EXT1: variants seen among roughly 807,000 people sequenced by gnomAD.
EXT1 encodes exostosin-1.
EXT1 carries 20 observed loss-of-function variants against 82.5 expected under a neutral mutation model. That is an observed-to-expected ratio of 0.24 (90% confidence interval 0.17 to 0.35). The LOEUF (loss-of-function observed/expected upper bound fraction) is 0.35, where lower values mean the gene tolerates loss of function less well. EXT1 is among the 10% of genes least tolerant of loss of function. The pLI is 1.00. For synonymous variants in EXT1, 348 were observed against 350.8 expected (o/e 0.99, Z 0.09); for missense variants, 757 against 936.5 (o/e 0.81, Z 2.50).
chr8:118,004,535 G>A (rs1175476985), intron 1 of EXT1, among the ~76,000 whole-genome samples: 1 of 152,174 alleles, frequency 6.6e-6, no homozygotes, highest in Non-Finnish European at 1.5e-5. Flanking sequence ...CGAAAGGGAG[G>A]AAACCAAAGA....
chr8:117,844,068 A>G (rs17430287), intron 1 of EXT1, among the ~76,000 whole-genome samples: 24,853 of 151,890 alleles, frequency 0.16, 2,551 homozygotes, highest in Non-Finnish European at 0.21. Context: ...TCTGTCATCT[A>G]TTTACTAACC....
chr8:117,980,697 G>GTTTTTTTTTTTTTTTTTTTTTTTTTTTTT (rs1491146564), intron 1 of EXT1, among the ~76,000 whole-genome samples: 1 of 27,584 alleles, frequency 3.6e-5, no homozygotes, highest in Non-Finnish European at 5.9e-5. Flanking sequence ...GGGTGTTGGT[G>GTTTTTTTTTTTTTTTTTTTTTTTTTTTTT]GTTTTTTTTT....
intron 1 of EXT1, among the ~76,000 whole-genome samples, chr8:118,075,423 A>C (rs1396834823): frequency 6.6e-6 from 1 of 152,154 alleles, no homozygotes; most frequent in Non-Finnish European, 1.5e-5. Flanking sequence ...AAGGCACAGA[A>C]ATGTTTGTAA....
At chr8:117,811,532 A>G (rs1384942648) in intron 8 of EXT1, among the ~76,000 whole-genome samples, 1 of 152,172 alleles carries the variant, frequency 6.6e-6, no homozygotes, top group Non-Finnish European at 1.5e-5. Flanking sequence ...GAGGTCCAGG[A>G]CATTTTGTCC....
chr8:117,879,113 A>G (rs1813018173), intron 1 of EXT1, among the ~76,000 whole-genome samples: 1 of 152,358 alleles, frequency 6.6e-6, no homozygotes, highest in East Asian at 1.9e-4. Flanking sequence ...TCAAGAATAT[A>G]TCATCCTACA....
intron 4 of EXT1, 118 bp downstream of exon 4, chr8:117,830,112 C>T: frequency 7.7e-7 from 1 of 1,300,034 alleles, no homozygotes; most frequent in South Asian, 1.2e-5. Context: ...TATCCAAGTA[C>T]AGGAATCTGG....
intron 1 of EXT1, among the ~76,000 whole-genome samples, chr8:118,047,183 T>G (rs981716206): frequency 1.3e-5 from 2 of 152,116 alleles, no homozygotes; most frequent in African/African-American, 2.4e-5. Flanking sequence ...TCCAGGCAAG[T>G]GTGTTTTCTG....
intron 1 of EXT1, among the ~76,000 whole-genome samples, chr8:118,041,806 G>A (rs932889091): frequency 1.3e-5 from 2 of 152,050 alleles, no homozygotes; most frequent in African/African-American, 2.4e-5. Flanking sequence ...AAATTAGCTC[G>A]GCGTGGTGGC....
chr8:118,062,530 G>C (rs1475776115), intron 1 of EXT1, among the ~76,000 whole-genome samples: 1 of 152,140 alleles, frequency 6.6e-6, no homozygotes, highest in Non-Finnish European at 1.5e-5. Context: ...AGTATCACCA[G>C]CTTGTGAAAA....
intron 1 of EXT1, among the ~76,000 whole-genome samples, chr8:118,011,138 C>T (rs550346567): frequency 1.3e-5 from 2 of 152,190 alleles, no homozygotes; most frequent in Non-Finnish European, 2.9e-5. Flanking sequence ...TATATGCAAA[C>T]GACACCTCCT....
intron 1 of EXT1, among the ~76,000 whole-genome samples, chr8:117,976,526 T>C (rs1347961759): frequency 6.6e-6 from 1 of 152,196 alleles, no homozygotes; most frequent in Non-Finnish European, 1.5e-5. Context: ...CAAAAGACTG[T>C]ATACAGTAGG....
intron 10 of EXT1, 121 bp from the exon 11 acceptor site, chr8:117,800,018 C>A: frequency 1.0e-6 from 1 of 957,664 alleles, no homozygotes; most frequent in South Asian, 1.5e-5. Context: ...GGCCCGGCCA[C>A]CAAGTCTCAC....
intron 1 of EXT1, among the ~76,000 whole-genome samples, chr8:118,014,913 G>T (rs1355938032): frequency 1.3e-5 from 2 of 152,128 alleles, no homozygotes; most frequent in African/African-American, 4.8e-5. Flanking sequence ...AGTGATACAA[G>T]AATGGAATTT....
intron 1 of EXT1, among the ~76,000 whole-genome samples, chr8:117,917,245 G>A (rs1046951315): frequency 2.0e-4 from 30 of 152,120 alleles, no homozygotes; most frequent in African/African-American, 4.1e-4. Flanking sequence ...AGGCCGAGGC[G>A]GGCGGATCAT....
chr8:117,974,429 T>G (rs546316843), intron 1 of EXT1, among the ~76,000 whole-genome samples: 1 of 152,136 alleles, frequency 6.6e-6, no homozygotes, highest in Admixed American at 6.6e-5. Flanking sequence ...TGCTTTACAG[T>G]GAGGTCAAAA....
chr8:117,848,400 T>A (rs1645512181), intron 1 of EXT1, among the ~76,000 whole-genome samples: 1 of 151,922 alleles, frequency 6.6e-6, no homozygotes. Flanking sequence ...CACCTCTCCC[T>A]CCTCCTCCTC....
chr8:118,064,144 G>A (rs1295228945), intron 1 of EXT1, among the ~76,000 whole-genome samples: 3 of 152,254 alleles, frequency 2.0e-5, no homozygotes, highest in African/African-American at 4.8e-5. Flanking sequence ...GATTACAGGC[G>A]TGAGCCACCG....
chr8:118,007,251 C>T (rs141878999), intron 1 of EXT1, among the ~76,000 whole-genome samples: 5,178 of 151,886 alleles, frequency 0.034, 295 homozygotes, highest in African/African-American at 0.12. Context: ...GAGCTGAGAT[C>T]GCGCCACTGC....
intron 1 of EXT1, among the ~76,000 whole-genome samples, chr8:117,878,994 A>G (rs971765291): frequency 6.6e-6 from 1 of 152,228 alleles, no homozygotes; most frequent in African/African-American, 2.4e-5. Flanking sequence ...AAACATGAGA[A>G]TGGTGAAGCC....
Sources: gnomAD v4.1 joint callset for allele counts (sites outside exome capture counted in the v4.1 genomes callset) on GRCh38, gnomAD v4.1.1 for gene constraint, MANE v1.5 for transcripts, NCBI Gene and HGNC (gene_info 2026-07-23, HGNC 2026-07-21) for gene names.